CHRNA7: variants seen among roughly 807,000 people sequenced by gnomAD.
CHRNA7 encodes cholinergic receptor nicotinic alpha 7 subunit.
Under a neutral mutation model 48.0 loss-of-function variants are expected in CHRNA7, and 17 were observed. That is an observed-to-expected ratio of 0.35 (90% CI 0.24 to 0.53). CHRNA7 has a LOEUF of 0.53. Ranked by LOEUF, CHRNA7 falls within the 20% of genes least tolerant of loss-of-function variation. The probability of loss-of-function intolerance (pLI) is 0.92; values close to 1 mark genes in which losing one functional copy is unlikely to be tolerated. For synonymous variants in CHRNA7, 75 were observed against 242.3 expected (o/e 0.31, Z 6.41); for missense variants, 155 against 577.7 (o/e 0.27, Z 7.50).
intron 2 of CHRNA7, among the ~76,000 whole-genome samples, chr15:32,069,796 G>A (rs2050024572): frequency 6.6e-6 from 1 of 152,058 alleles, no homozygotes; most frequent in Non-Finnish European, 1.5e-5. Flanking sequence ...TGTGAAAAGA[G>A]ATCTAGGTTG....
At chr15:32,113,215 G>A (rs1191430068) in intron 4 of CHRNA7, among the ~76,000 whole-genome samples, 2 of 152,156 alleles carry the variant, frequency 1.3e-5, no homozygotes, top group Non-Finnish European at 2.9e-5. Flanking sequence ...TCCTTGGCTG[G>A]TAGATGGCTG....
chr15:32,063,403 A>T (rs1374531492), intron 2 of CHRNA7, among the ~76,000 whole-genome samples: 1 of 152,132 alleles, frequency 6.6e-6, no homozygotes, highest in Non-Finnish European at 1.5e-5. Context: ...TTATTGTTTT[A>T]TTATAAAAAT....
chr15:32,117,799 C>G (rs185180084), intron 4 of CHRNA7, among the ~76,000 whole-genome samples: 2 of 152,212 alleles, frequency 1.3e-5, no homozygotes, highest in East Asian at 3.9e-4. Context: ...GTTAATAGCT[C>G]CTGAAATTGT....
At chr15:32,126,230 T>C (rs2051064237) in intron 4 of CHRNA7, among the ~76,000 whole-genome samples, 1 of 152,200 alleles carries the variant, frequency 6.6e-6, no homozygotes, top group East Asian at 1.9e-4. Context: ...GTATGGATTC[T>C]ACTTTATTGA....
intron 2 of CHRNA7, among the ~76,000 whole-genome samples, chr15:32,033,320 A>G (rs952254546): frequency 3.4e-4 from 52 of 152,322 alleles, no homozygotes; most frequent in African/African-American, 1.2e-3. Context: ...CTGGTGATTC[A>G]CTGAAGGTCT....
intron 4 of CHRNA7, among the ~76,000 whole-genome samples, chr15:32,150,460 T>C (rs1448447543): frequency 6.6e-6 from 1 of 152,326 alleles, no homozygotes; most frequent in East Asian, 1.9e-4. Context: ...AGGGACAGAC[T>C]TTAATTTTTT....
chr15:32,103,412 G>GGA (rs71424643), intron 3 of CHRNA7: 2 of 136,788 alleles, frequency 1.5e-5, no homozygotes, highest in African/African-American at 5.5e-5. Flanking sequence ...TCAATCTCAA[G>GGA]AAAAAAAAAA....
At chr15:32,111,073 A>C (rs1195882241) in intron 3 of CHRNA7, 2 of 152,174 alleles carry the variant, frequency 1.3e-5, no homozygotes, top group Non-Finnish European at 2.9e-5. Flanking sequence ...GGGCTCCAGG[A>C]AGGGCTGTTT....
intron 2 of CHRNA7, among the ~76,000 whole-genome samples, chr15:32,082,160 TTGAC>T (rs2050226403): frequency 6.6e-6 from 1 of 152,148 alleles, no homozygotes; most frequent in African/African-American, 2.4e-5. Context: ...TTTTAGAAAT[TTGAC>T]TGTGATGTGT....
rs188860813 is a variant in CHRNA7 at position 32,047,069 on chromosome 15, T to C, written c.195+16032T>C. Among the ~76,000 whole-genome samples the C allele has an allele frequency of 4.4e-3, 656 of 147,752 alleles. 5 individuals carry two copies. Among genetic ancestry groups the C allele is most frequent in the Non-Finnish European group, 7.6e-3 (513 of 67,620 alleles). On this transcript the variant is annotated intron_variant, in intron 2 of 9. Coordinates refer to ENST00000306901, the MANE Select transcript of CHRNA7 (RefSeq NM_000746.6). Reference sequence around the variant, plus strand: ...CCAGTACCATGCTGTTTGGTTACTGTAGCCTTGTAGTATATAGTTTGAAGT... The same window carrying C: ...CCAGTACCATGCTGTTTGGTTACTGCAGCCTTGTAGTATATAGTTTGAAGT...
intron 4 of CHRNA7, among the ~76,000 whole-genome samples, chr15:32,137,932 C>G (rs2051301941): frequency 6.6e-6 from 1 of 152,206 alleles, no homozygotes; most frequent in South Asian, 2.1e-4. Flanking sequence ...AACCTACACA[C>G]ATATGTTGAT....
chr15:32,065,652 C>T (rs760056024), intron 2 of CHRNA7, among the ~76,000 whole-genome samples: 1 of 152,268 alleles, frequency 6.6e-6, no homozygotes, highest in South Asian at 2.1e-4. Context: ...AGACTCTCAC[C>T]TCTGACTGAC....
chr15:32,141,534 T>C (rs1337281610), intron 4 of CHRNA7, among the ~76,000 whole-genome samples: 2 of 152,236 alleles, frequency 1.3e-5, no homozygotes, highest in Non-Finnish European at 2.9e-5. Context: ...TTTCACGATA[T>C]TGATTCTTCC....
At chr15:32,060,832 C>T (rs1165797287) in intron 2 of CHRNA7, among the ~76,000 whole-genome samples, 1 of 152,206 alleles carries the variant, frequency 6.6e-6, no homozygotes, top group African/African-American at 2.4e-5. Flanking sequence ...GGAAAACCAT[C>T]TGCGGCGGGA....
chr15:32,038,121 T>A (rs2049383757), intron 2 of CHRNA7, among the ~76,000 whole-genome samples: 1 of 145,030 alleles, frequency 6.9e-6, no homozygotes, highest in Non-Finnish European at 1.5e-5. Flanking sequence ...TATGTGTACA[T>A]GTTTACATTT....
rs1280875957 is a variant in CHRNA7 at position 32,111,797 on chromosome 15, CA to C, written c.249del (p.Asp84IlefsTer14). 1.9e-6 allele frequency: 3 copies of C among 1,607,506 alleles called. No homozygotes were observed. The highest frequency in any genetic ancestry group is 2.6e-6 in the Non-Finnish European group (3 of 1,173,946). ...TTNIWLQMSW[T>X]DHYLQWNVSE... ...TGTCATTGTGTGTGTCAGTCTTGGA[CA>C]GATCACTATTTACAGTGGAATGTGT... On this transcript the variant is annotated frameshift_variant, in exon 4 of 10. Coordinates refer to ENST00000306901, the MANE Select transcript of CHRNA7 (RefSeq NM_000746.6). LOFTEE classifies it high-confidence loss of function.
chr15:32,143,860 G>A (rs1177173039), intron 4 of CHRNA7, among the ~76,000 whole-genome samples: 4 of 152,116 alleles, frequency 2.6e-5, no homozygotes, highest in Admixed American at 6.5e-5. Flanking sequence ...GATGGGTCTT[G>A]ACTCTTTATC....
chr15:32,090,589 TG>T (rs2050367121), intron 2 of CHRNA7, among the ~76,000 whole-genome samples: 1 of 152,186 alleles, frequency 6.6e-6, no homozygotes, highest in Admixed American at 6.5e-5. Context: ...CATATTTCAG[TG>T]TGGTACTTAC....
At chr15:32,137,545 A>G (rs1162730331) in intron 4 of CHRNA7, among the ~76,000 whole-genome samples, 3 of 152,218 alleles carry the variant, frequency 2.0e-5, no homozygotes, top group Non-Finnish European at 4.4e-5. Context: ...CTCTTTTAGT[A>G]ATTGATAGTG....
Sources: allele counts gnomAD v4.1 joint callset (sites outside exome capture counted in the v4.1 genomes callset), GRCh38; gene constraint gnomAD v4.1.1; transcripts MANE v1.5; gene names NCBI Gene and HGNC (gene_info 2026-07-23, HGNC 2026-07-21).